Variants in RHPN2 observed in about 807,000 individuals in gnomAD.
RHPN2 encodes the protein rhophilin Rho GTPase binding protein 2.
In RHPN2, 40 loss-of-function variants were observed where a neutral mutation model predicts 79.0. The ratio of observed to expected loss-of-function variants is 0.51; its 90% CI spans 0.39 to 0.66. The LOEUF (loss-of-function observed/expected upper bound fraction) is 0.66. RHPN2 is among the 30% of genes least tolerant of loss of function. The probability of loss-of-function intolerance (pLI) is 0.00; values close to 1 mark genes in which losing one functional copy is unlikely to be tolerated. For missense variants in RHPN2, 686 were observed against 883.5 expected (o/e 0.78, Z 2.83); for synonymous variants, 285 against 363.5 (o/e 0.78, Z 2.46).
At chr19:33,025,401 G>C (rs1420372315) in intron 3 of RHPN2, among the ~76,000 whole-genome samples, 4 of 151,400 alleles carry the variant, frequency 2.6e-5, no homozygotes, top group East Asian at 1.9e-4. Context: ...AGAATCGCTT[G>C]AACCCAGGAG....
intron 2 of RHPN2, among the ~76,000 whole-genome samples, chr19:33,036,424 T>C (rs1446191393): frequency 6.6e-6 from 1 of 152,196 alleles, no homozygotes; most frequent in Non-Finnish European, 1.5e-5. Flanking sequence ...GAGGATCACT[T>C]GAGCCCAGGA....
At chr19:33,036,666 GC>G (rs1209450217) in intron 2 of RHPN2, among the ~76,000 whole-genome samples, 1 of 152,196 alleles carries the variant, frequency 6.6e-6, no homozygotes, top group East Asian at 1.9e-4. Flanking sequence ...AACCAGGGCT[GC>G]CCGCGGTGCT....
chr19:33,008,536 G>A (rs1971812106), intron 6 of RHPN2, among the ~76,000 whole-genome samples: 1 of 151,806 alleles, frequency 6.6e-6, no homozygotes, highest in South Asian at 2.1e-4. Context: ...TTGGGAGGCC[G>A]AGGCAGGTGG....
At chr19:33,032,609 A>G (rs2145254387) in intron 2 of RHPN2, among the ~76,000 whole-genome samples, 1 of 152,338 alleles carries the variant, frequency 6.6e-6, no homozygotes, top group Non-Finnish European at 1.5e-5. Flanking sequence ...ATTATGCCAC[A>G]GCAAAGCACT....
rs376647267 is a variant in RHPN2 at position 32,979,952 on chromosome 19, A to G, written c.*44T>C. 1.2e-6 allele frequency: 2 copies of G among 1,610,404 alleles called. No individual in the cohort carries two copies. Among genetic ancestry groups the G allele is most frequent in the African/African-American group, 1.3e-5 (1 of 74,810 alleles). ...TGGCACAAACGTTTAAGGCCGAGTCAGCACCGGAAATGTTCAGGGCCTGAA... is the reference window on the plus strand; with the variant it reads ...TGGCACAAACGTTTAAGGCCGAGTCGGCACCGGAAATGTTCAGGGCCTGAA... On this transcript the variant is annotated 3_prime_UTR_variant, in exon 15 of 15. Coordinates refer to ENST00000254260, the MANE Select transcript of RHPN2 (RefSeq NM_033103.5).
At chr19:33,045,935 C>T (rs755173354) in intron 1 of RHPN2, among the ~76,000 whole-genome samples, 9 of 152,176 alleles carry the variant, frequency 5.9e-5, no homozygotes, top group South Asian at 2.1e-4. Flanking sequence ...TTCATATAAA[C>T]GGAATCATAT....
At chr19:32,982,937 G>A (rs1036335223) in intron 14 of RHPN2, among the ~76,000 whole-genome samples, 14 of 151,006 alleles carry the variant, frequency 9.3e-5, no homozygotes, top group South Asian at 2.1e-4. Flanking sequence ...AGCCACTCAC[G>A]CACCCTCCTG....
At chr19:33,012,799 T>C (rs1971845917) in intron 4 of RHPN2, 75 bp from the exon 5 acceptor site, 2 of 813,828 alleles carry the variant, frequency 2.5e-6, no homozygotes, top group East Asian at 2.5e-5. Context: ...AATATGTCAA[T>C]TGTGAACCCA....
intron 11 of RHPN2, among the ~76,000 whole-genome samples, chr19:32,995,618 G>T (rs1180234934): frequency 2.6e-5 from 4 of 152,066 alleles, no homozygotes; most frequent in African/African-American, 9.7e-5. Flanking sequence ...CAGCACTTTG[G>T]GAGGCCAAGG....
intron 1 of RHPN2, among the ~76,000 whole-genome samples, chr19:33,051,270 G>A (rs2145268479): frequency 6.6e-6 from 1 of 152,246 alleles, no homozygotes; most frequent in Non-Finnish European, 1.5e-5. Context: ...GGGACTACAG[G>A]TGCGAGCCAC....
chr19:33,005,675 A>G (rs1254646685), intron 7 of RHPN2, among the ~76,000 whole-genome samples: 2 of 149,294 alleles, frequency 1.3e-5, no homozygotes, highest in African/African-American at 2.5e-5. Flanking sequence ...TGCGAGCTCC[A>G]TGGGGGTTCC....
intron 1 of RHPN2, among the ~76,000 whole-genome samples, chr19:33,052,196 G>C (rs1280665471): frequency 6.6e-6 from 1 of 152,108 alleles, no homozygotes; most frequent in Non-Finnish European, 1.5e-5. Context: ...GAACAGGGCA[G>C]TTTTTCTTCC....
At chr19:32,981,418 G>GGGGGT (rs1555709147) in intron 14 of RHPN2, among the ~76,000 whole-genome samples, 2 of 4,466 alleles carry the variant, frequency 4.5e-4, no homozygotes, top group African/African-American at 4.7e-3. Flanking sequence ...TAAAAAAAAA[G>GGGGGT]GGGGGGGGCG....
intron 1 of RHPN2, among the ~76,000 whole-genome samples, chr19:33,046,756 G>A (rs1202235218): frequency 6.6e-6 from 1 of 152,072 alleles, no homozygotes; most frequent in Admixed American, 6.6e-5. Context: ...TCGTGGTTTT[G>A]AATTGTGTCT....
chr19:32,994,117 C>T (rs1366284117), intron 11 of RHPN2, 64 bp from the exon 12 acceptor site: 1 of 1,227,742 alleles, frequency 8.1e-7, no homozygotes, highest in African/African-American at 1.5e-5. Context: ...TCCTAATAGT[C>T]CAGTGTTGTG....
At chr19:33,005,919 G>A (rs1228089644) in intron 7 of RHPN2, among the ~76,000 whole-genome samples, 1 of 151,844 alleles carries the variant, frequency 6.6e-6, no homozygotes, top group Non-Finnish European at 1.5e-5. Context: ...TTTGGGACAG[G>A]GTCTTGCTCT....
chr19:33,044,168 T>TG, intron 2 of RHPN2, 81 bp downstream of exon 2: 1 of 1,105,250 alleles, frequency 9.0e-7, no homozygotes, highest in Admixed American at 1.7e-5. Flanking sequence ...AACCCAAAGC[T>TG]GAAACCAAGA....
chr19:32,987,497 C>G (rs1048641734), intron 14 of RHPN2, among the ~76,000 whole-genome samples: 1 of 152,198 alleles, frequency 6.6e-6, no homozygotes, highest in Non-Finnish European at 1.5e-5. Context: ...TCATTCTCCA[C>G]CACTCAACTG....
chr19:32,996,179 A>G lies in RHPN2; in HGVS notation c.1267T>C (p.Ser423Pro). ...TTGCAGAGGCTGGCCTCCCGCACCGACTCCTCGTGATGAGCCATGGCTCTG... is the reference window on the plus strand; with the variant it reads ...TTGCAGAGGCTGGCCTCCCGCACCGGCTCCTCGTGATGAGCCATGGCTCTG... Reference protein sequence around the residue: ...LRRAMAHHEESVREASLCKKL... With the variant: ...LRRAMAHHEEPVREASLCKKL... Residue 423 changes from serine to proline, a missense_variant, in exon 11 of 15, where the codon TCG becomes CCG. Coordinates refer to ENST00000254260, the MANE Select transcript of RHPN2 (RefSeq NM_033103.5). The G allele has an allele frequency of 6.2e-7, 1 of 1,613,770 alleles. No homozygotes were observed. The highest frequency in any genetic ancestry group is 8.5e-7 in the Non-Finnish European group (1 of 1,179,952).
Sources: allele counts gnomAD v4.1 joint callset (sites outside exome capture counted in the v4.1 genomes callset), GRCh38; gene constraint gnomAD v4.1.1; transcripts MANE v1.5; gene names NCBI Gene and HGNC (gene_info 2026-07-23, HGNC 2026-07-21).